Variants in GLDC observed in about 807,000 individuals in gnomAD.
GLDC encodes glycine dehydrogenase (decarboxylating), mitochondrial.
Under a neutral mutation model 121.3 loss-of-function variants are expected in GLDC, and 104 were observed. The ratio of observed to expected loss-of-function variants is 0.86; its 90% confidence interval spans 0.73 to 1.01. The LOEUF is 1.01. Ranked by LOEUF, GLDC falls within the 50% of genes least tolerant of loss-of-function variation. The pLI is 0.00. For synonymous variants in GLDC, 546 were observed against 480.6 expected, an observed-to-expected ratio of 1.14 and a Z score of -1.78; for missense variants, 1,429 against 1,306.6, an observed-to-expected ratio of 1.09 and a Z score of -1.44.
At chr9:6,617,270 G>A (rs1427417906) in intron 3 of GLDC, among the ~76,000 whole-genome samples, 2 of 152,140 alleles carry the variant, frequency 1.3e-5, no homozygotes, top group Non-Finnish European at 2.9e-5. Flanking sequence ...TATTTAAAAT[G>A]CACCTGAAAA....
At chr9:6,533,826 C>G (rs1179258047) in intron 24 of GLDC, among the ~76,000 whole-genome samples, 2 of 150,448 alleles carry the variant, frequency 1.3e-5, no homozygotes, top group Non-Finnish European at 2.9e-5. Context: ...CCATTGCACT[C>G]CAGCCTGGAC....
At chr9:6,579,306 AT>A (rs1029864949) in intron 15 of GLDC, among the ~76,000 whole-genome samples, 3 of 151,602 alleles carry the variant, frequency 2.0e-5, no homozygotes, top group Non-Finnish European at 4.4e-5. Flanking sequence ...TGGTTATACA[AT>A]TTTTTTTCAC....
chr9:6,565,169 A>G (rs1223267156), intron 16 of GLDC, among the ~76,000 whole-genome samples, 185 bp downstream of exon 16: 4 of 152,226 alleles, frequency 2.6e-5, no homozygotes, highest in Non-Finnish European at 5.9e-5. Flanking sequence ...TTTCCTCAAA[A>G]TGGTCAAGTG....
chr9:6,565,582 G>C (rs1284510506), intron 15 of GLDC, 153 bp from the exon 16 acceptor site: 4 of 716,580 alleles, frequency 5.6e-6, no homozygotes, highest in East Asian at 2.7e-5. Context: ...AGCTCTGCTG[G>C]AGTCAAAAGG....
chr9:6,589,946 T>C (rs947800701), intron 11 of GLDC, among the ~76,000 whole-genome samples: 1 of 151,780 alleles, frequency 6.6e-6, no homozygotes, highest in Non-Finnish European at 1.5e-5. Context: ...TCGCAGCTAC[T>C]CGGGAGGCTG....
Position 6,588,363 on chromosome 9 carries a change from C to T in GLDC, c.1707+38G>A, listed in dbSNP as rs754431938. 10 of 1,476,884 alleles carry T rather than the reference C, an allele frequency of 6.8e-6. No homozygotes were observed. In the East Asian group the frequency reaches 1.4e-4, roughly 20 times the overall value. The allele number at this position is 1,476,884 out of a possible 1,614,324, so 91.5% of individuals were successfully genotyped here. ...CTTAGGTGGAAGCTAGAACACTGCC[C>T]CTTGCTGAGTATCCACTTACAGAAG... On this transcript the variant is annotated intron_variant, in intron 14 of 24. Transcript: ENST00000321612.
At chr9:6,534,862 G>A (rs760959382) in intron 23 of GLDC, 74 bp from the exon 24 acceptor site, 25 of 806,700 alleles carry the variant, frequency 3.1e-5, no homozygotes, top group Non-Finnish European at 4.2e-5. Context: ...CACCTCAACC[G>A]TCAATCTTCT....
chr9:6,594,736 C>G (rs1315580326), intron 9 of GLDC, among the ~76,000 whole-genome samples: 1 of 134,790 alleles, frequency 7.4e-6, no homozygotes, highest in Non-Finnish European at 1.6e-5. Context: ...AACAAGAAAG[C>G]AAGAAAGCAA....
rs760685211 is a variant in GLDC, at chr9:6,565,471, G to C, written c.1851-42C>G. 3 of 1,463,900 alleles carry C rather than the reference G, an allele frequency of 2.0e-6. No individual in the cohort carries two copies. The East Asian group carries it at 6.8e-5, about 33-fold the overall frequency. 90.7% of individuals were successfully genotyped at this position (1,463,900 alleles called of 1,614,324 possible). A position where few individuals can be genotyped will look rare whatever the true frequency, so the allele number is the denominator to read the frequency against. On this transcript the variant is annotated intron_variant, in intron 15 of 24. Coordinates refer to ENST00000321612, the MANE Select transcript of GLDC (RefSeq NM_000170.3). The stretch of plus-strand genomic sequence containing the variant: ...GAAAGGGATCACGGTTAGGTCTTCT[G>C]GCTTTCATTTACTCATTCAATATTT...
chr9:6,632,480 A>G (rs1587981060), intron 2 of GLDC, among the ~76,000 whole-genome samples: 2 of 152,348 alleles, frequency 1.3e-5, no homozygotes, highest in South Asian at 4.1e-4. Context: ...GCATTTTTGT[A>G]TGAATACTCT....
chr9:6,640,585 A>ACAACT (rs1388779570), intron 2 of GLDC, among the ~76,000 whole-genome samples: 14 of 152,334 alleles, frequency 9.2e-5, no homozygotes. Context: ...CATCATTCTG[A>ACAACT]CAACTCATCT....
chr9:6,581,358 C>T (rs1818167782), intron 15 of GLDC, among the ~76,000 whole-genome samples: 1 of 152,224 alleles, frequency 6.6e-6, no homozygotes, highest in African/African-American at 2.4e-5. Context: ...CAGCTTTCCT[C>T]ACTTCCCTGT....
At chr9:6,601,948 C>G (rs753121479) in intron 8 of GLDC, among the ~76,000 whole-genome samples, 161 bp downstream of exon 8, 2 of 152,002 alleles carry the variant, frequency 1.3e-5, no homozygotes, top group Non-Finnish European at 2.9e-5. Flanking sequence ...TATTTTGGTT[C>G]TCATAAGACA....
At chr9:6,623,492 G>C (rs999946824) in intron 2 of GLDC, among the ~76,000 whole-genome samples, 1 of 150,338 alleles carries the variant, frequency 6.7e-6, no homozygotes. Context: ...AGGCCGCAGG[G>C]TCCTCTGCCT....
rs13298254 is a variant in GLDC at position 6,606,388 on chromosome 9, C to A, written c.713+204G>T. Among the ~76,000 whole-genome samples the A allele has an allele frequency of 0.061, 9,194 of 151,798 alleles. 348 individuals carry two copies. The highest frequency in any genetic ancestry group is 0.086 in the Non-Finnish European group (5,823 of 67,946). Reference sequence around the variant, plus strand: ...AAGCAATGGCAATTGTGTATTTCCCCACTCAATTCTGACACAGTTTACTTA... The same window carrying A: ...AAGCAATGGCAATTGTGTATTTCCCAACTCAATTCTGACACAGTTTACTTA... On this transcript the variant is annotated intron_variant, in intron 5 of 24. Transcript: ENST00000321612.
At chr9:6,638,156 TC>T (rs1237621140) in intron 2 of GLDC, among the ~76,000 whole-genome samples, 1 of 152,112 alleles carries the variant, frequency 6.6e-6, no homozygotes, top group Non-Finnish European at 1.5e-5. Context: ...ATTGCATTTC[TC>T]CATTTCCTTT....
chr9:6,610,291 TA>T lies in GLDC; in HGVS notation c.535del (p.Tyr179ThrfsTer52), dbSNP rs1818825340. 1 of 1,613,572 alleles carries T rather than the reference TA, an allele frequency of 6.2e-7. No individual in the cohort carries two copies. Among genetic ancestry groups the T allele is most frequent in the South Asian group, 1.1e-5 (1 of 91,042 alleles). ...SQGRLESLLN[Y>X]QTMVCDITGL... Reference sequence around the variant, plus strand: ...TGTGATGTCACACACCATGGTCTGGTAGTTGAGTAAACTCTCCAGCCTCCCC... The same window carrying T: ...TGTGATGTCACACACCATGGTCTGGTGTTGAGTAAACTCTCCAGCCTCCCC... On this transcript the variant is annotated frameshift_variant, in exon 4 of 25. Coordinates refer to ENST00000321612, the MANE Select transcript of GLDC (RefSeq NM_000170.3). LOFTEE classifies it high-confidence loss of function.
At chr9:6,536,033 C>A (rs377763882) in intron 23 of GLDC, 31 bp downstream of exon 23, 1 of 1,589,484 alleles carries the variant, frequency 6.3e-7, no homozygotes, top group Non-Finnish European at 8.6e-7. Flanking sequence ...GTTTAAGGAA[C>A]ATTTCAAGCA....
At chr9:6,594,551 C>T (rs1468218757) in intron 9 of GLDC, among the ~76,000 whole-genome samples, 1 of 152,084 alleles carries the variant, frequency 6.6e-6, no homozygotes, top group African/African-American at 2.4e-5. Context: ...CAAAAATTAG[C>T]CAGACATGGT....
Sources: gnomAD v4.1 joint callset for allele counts (sites outside exome capture counted in the v4.1 genomes callset) on GRCh38, gnomAD v4.1.1 for gene constraint, MANE v1.5 for transcripts, NCBI Gene and HGNC (gene_info 2026-07-23, HGNC 2026-07-21) for gene names.